SAMMSON: variants seen among roughly 807,000 people sequenced by gnomAD.
The protein encoded by SAMMSON is survival associated mitochondrial melanoma specific oncogenic non-coding RNA.
intron 4 of SAMMSON, among the ~76,000 whole-genome samples, chr3:70,154,210 A>G (rs2067582897): frequency 6.6e-6 from 1 of 152,070 alleles, no homozygotes; most frequent in Non-Finnish European, 1.5e-5. Context: ...TTCAAGTATT[A>G]TAATAATAGC....
intron 3 of SAMMSON, among the ~76,000 whole-genome samples, chr3:70,053,575 G>C (rs1215542604): frequency 6.6e-6 from 1 of 152,094 alleles, no homozygotes; most frequent in Admixed American, 6.6e-5. Context: ...AGACTGACAC[G>C]TGCTAATTTT....
chr3:70,085,830 C>CA (rs2067283438), intron 4 of SAMMSON, among the ~76,000 whole-genome samples: 1 of 152,104 alleles, frequency 6.6e-6, no homozygotes, highest in South Asian at 2.1e-4. Context: ...GTGTGAGACA[C>CA]AGAGCAATAG....
intron 4 of SAMMSON, among the ~76,000 whole-genome samples, chr3:70,230,892 C>A (rs1165727067): frequency 6.6e-6 from 1 of 152,124 alleles, no homozygotes; most frequent in Non-Finnish European, 1.5e-5. Flanking sequence ...CTTAACAAAC[C>A]CAGCTCTGTT....
At chr3:70,309,416 A>G (rs1702435933) in intron 7 of SAMMSON, among the ~76,000 whole-genome samples, 1 of 152,208 alleles carries the variant, frequency 6.6e-6, no homozygotes, top group South Asian at 2.1e-4. Context: ...TAACTGTATT[A>G]TTCTGAGTAA....
chr3:70,339,382 C>T (rs1418984040), intron 7 of SAMMSON, among the ~76,000 whole-genome samples: 5 of 152,102 alleles, frequency 3.3e-5, no homozygotes, highest in African/African-American at 4.8e-5. Context: ...GCAATGGCAA[C>T]AAAAGCCAAA....
intron 9 of SAMMSON, among the ~76,000 whole-genome samples, chr3:70,386,547 T>A (rs969753526): frequency 1.3e-5 from 2 of 152,140 alleles, no homozygotes; most frequent in African/African-American, 4.8e-5. Flanking sequence ...CAATTCTAAC[T>A]AGAGTTACTG....
intron 4 of SAMMSON, chr3:70,120,455 T>G (rs928680917): frequency 2.0e-5 from 3 of 152,254 alleles, no homozygotes; most frequent in African/African-American, 7.2e-5. Flanking sequence ...TTACATTCAA[T>G]TCACGTCAAA....
At chr3:70,045,025 TAA>T (rs1274921429) in intron 3 of SAMMSON, among the ~76,000 whole-genome samples, 81 of 128,920 alleles carry the variant, frequency 6.3e-4, no homozygotes, top group Non-Finnish European at 8.9e-4. Context: ...TAATTAATTA[TAA>T]TATATATTAT....
chr3:70,045,052 AT>A (rs1174426734), intron 3 of SAMMSON, among the ~76,000 whole-genome samples: 5 of 113,948 alleles, frequency 4.4e-5, no homozygotes, highest in African/African-American at 1.9e-4. Context: ...AATATATATA[AT>A]TAATTATAAT....
intron 6 of SAMMSON, among the ~76,000 whole-genome samples, chr3:70,285,796 C>T (rs943915620): frequency 6.6e-6 from 1 of 152,158 alleles, no homozygotes; most frequent in Non-Finnish European, 1.5e-5. Flanking sequence ...ATTTGCATTT[C>T]TCTGATGTCC....
intron 6 of SAMMSON, among the ~76,000 whole-genome samples, chr3:70,276,811 A>G (rs1194792692): frequency 6.6e-6 from 1 of 152,232 alleles, no homozygotes; most frequent in African/African-American, 2.4e-5. Context: ...TAAGCCAGAA[A>G]TATTTACTAT....
intron 3 of SAMMSON, among the ~76,000 whole-genome samples, chr3:70,037,504 G>A (rs1237209158): frequency 1.3e-5 from 2 of 152,100 alleles, no homozygotes; most frequent in African/African-American, 2.4e-5. Context: ...TGAGGGCTGG[G>A]CCAAGAGATG....
At chr3:70,056,444 A>G (rs2067167937) in intron 3 of SAMMSON, among the ~76,000 whole-genome samples, 1 of 151,962 alleles carries the variant, frequency 6.6e-6, no homozygotes, top group Non-Finnish European at 1.5e-5. Flanking sequence ...CCGTTCGGCT[A>G]CCTTTCAGGT....
intron 6 of SAMMSON, among the ~76,000 whole-genome samples, chr3:70,251,717 T>G (rs1053300030): frequency 6.6e-6 from 1 of 152,160 alleles, no homozygotes; most frequent in African/African-American, 2.4e-5. Context: ...TGCCCCAACC[T>G]AATACCATAC....
chr3:70,210,152 G>A (rs1258589690), intron 4 of SAMMSON, among the ~76,000 whole-genome samples: 1 of 152,090 alleles, frequency 6.6e-6, no homozygotes, highest in African/African-American at 2.4e-5. Context: ...ACAGTATACA[G>A]CCAAGTGGTA....
At chr3:70,292,849 G>A (rs1051348721) in intron 7 of SAMMSON, among the ~76,000 whole-genome samples, 2 of 151,756 alleles carry the variant, frequency 1.3e-5, no homozygotes, top group Admixed American at 1.3e-4. Flanking sequence ...TTCTTTGAAG[G>A]TAGAATTACC....
intron 4 of SAMMSON, among the ~76,000 whole-genome samples, chr3:70,212,674 A>G (rs902980134): frequency 6.6e-6 from 1 of 152,142 alleles, no homozygotes; most frequent in Non-Finnish European, 1.5e-5. Flanking sequence ...AATCAAAATT[A>G]TACTTTGGAC....
intron 3 of SAMMSON, among the ~76,000 whole-genome samples, chr3:70,022,426 C>CAAAAAAA (rs60455629): frequency 1.4e-4 from 13 of 91,120 alleles, no homozygotes; most frequent in Non-Finnish European, 1.8e-4. Flanking sequence ...AGTATAATAA[C>CAAAAAAA]AAAAAAAAAA....
chr3:70,051,134 C>CAAAAAAAAAAA (rs71126477), intron 3 of SAMMSON, among the ~76,000 whole-genome samples: 30 of 45,232 alleles, frequency 6.6e-4, no homozygotes, highest in Non-Finnish European at 7.7e-4. Flanking sequence ...TACTCCATCT[C>CAAAAAAAAAAA]AAAAAAAAAA....
Sources: allele counts gnomAD v4.1 joint callset (sites outside exome capture counted in the v4.1 genomes callset), GRCh38; gene constraint gnomAD v4.1.1; transcripts MANE v1.5; gene names NCBI Gene and HGNC (gene_info 2026-07-23, HGNC 2026-07-21).